Variants in CAP1 observed in about 807,000 individuals in gnomAD.
CAP1 encodes the protein cyclase associated actin cytoskeleton regulatory protein 1.
Under a neutral mutation model 58.2 loss-of-function variants are expected in CAP1, and 11 were observed. The observed-to-expected ratio is 0.19, with a 90% CI of 0.12 to 0.31. CAP1 has a LOEUF of 0.31. CAP1 is among the 10% of genes least tolerant of loss of function. The pLI, the probability that CAP1 is intolerant of heterozygous loss-of-function variation, is 1.00. For missense variants in CAP1, 423 were observed against 587.5 expected, an observed-to-expected ratio of 0.72 and a Z score of 2.89; for synonymous variants, 183 against 213.8, an observed-to-expected ratio of 0.86 and a Z score of 1.26.
intron 1 of CAP1, among the ~76,000 whole-genome samples, chr1:40,043,293 G>C (rs1395661860): frequency 6.6e-6 from 1 of 152,106 alleles, no homozygotes; most frequent in Non-Finnish European, 1.5e-5. Context: ...CACCTCCCAG[G>C]TTCAAGGAAT....
chr1:40,054,479 A>G (rs1268956677), intron 1 of CAP1, among the ~76,000 whole-genome samples: 2 of 151,820 alleles, frequency 1.3e-5, no homozygotes, highest in East Asian at 3.9e-4. Flanking sequence ...CAGTGTTTTT[A>G]ATGCCTCCTA....
At chr1:40,069,410 A>AT (rs2124431939) in intron 8 of CAP1, among the ~76,000 whole-genome samples, 1 of 152,012 alleles carries the variant, frequency 6.6e-6, no homozygotes, top group East Asian at 1.9e-4. Flanking sequence ...TTGTGCACAT[A>AT]CATTTGATAT....
rs577491753 is a variant in CAP1, at chr1:40,070,128, T to C, written c.994-31T>C. 5.1e-5 allele frequency: 82 copies of C among 1,613,194 alleles called. 1 individual carries two copies. In the Middle Eastern group the frequency reaches 7.5e-4, roughly 15 times the overall value. On this transcript the variant is annotated intron_variant, in intron 9 of 12. Transcript: ENST00000372805. ...TATTTTTTGTTCGGTGTGTGCTTTG[T>C]GATGAGAATCCTGGGATCTCTCTCT... is the stretch of plus-strand genomic sequence containing the variant.
chr1:40,072,236 G>T lies in CAP1; in HGVS notation c.*703G>T. The T allele has an allele frequency of 2.6e-5, 9 of 348,590 alleles. No individual in the cohort carries two copies. Among genetic ancestry groups the T allele is most frequent in the East Asian group, 4.1e-5 (1 of 24,486 alleles). 21.6% of individuals were successfully genotyped at this position (348,590 alleles called of 1,614,324 possible). ...GATCCCTGCCCAGCACCTTCCTATA[G>T]AGATGACTTTAAAAGGAAAAAAAAA... On this transcript the variant is annotated 3_prime_UTR_variant, in exon 13 of 13. Transcript: ENST00000372805.
chr1:40,070,620 G>A (rs1371307250), intron 11 of CAP1, 108 bp downstream of exon 11: 2 of 1,070,032 alleles, frequency 1.9e-6, no homozygotes, highest in Non-Finnish European at 2.9e-6. Context: ...TACAAAGTCT[G>A]TAAGCTGAGC....
At chr1:40,050,837 T>C (rs1196422019) in intron 1 of CAP1, among the ~76,000 whole-genome samples, 1 of 152,180 alleles carries the variant, frequency 6.6e-6, no homozygotes, top group Non-Finnish European at 1.5e-5. Context: ...ATTCTTTCAC[T>C]CAAAACCCTT....
At chr1:40,064,769 G>C (rs1023939932) in intron 6 of CAP1, among the ~76,000 whole-genome samples, 3 of 152,040 alleles carry the variant, frequency 2.0e-5, no homozygotes, top group Non-Finnish European at 4.4e-5. Context: ...TAGAGATGAG[G>C]TCTCACTGTT....
intron 1 of CAP1, among the ~76,000 whole-genome samples, chr1:40,055,709 A>G (rs3131678): frequency 0.69 from 105,571 of 151,942 alleles, 36,952 homozygotes; most frequent in Non-Finnish European, 0.74. Flanking sequence ...AGGTCTCCCT[A>G]TGTTGCCCCG....
Position 40,070,230 on chromosome 1 carries a change from G to A in CAP1, c.1065G>A (p.Lys355=). Reference sequence around the variant, plus strand: ...TGAAACAGGTGGCTTACATATACAAGTGTGTCAACACGACATTGCAAATCA... The same window carrying A: ...TGAAACAGGTGGCTTACATATACAAATGTGTCAACACGACATTGCAAATCA... The part of the protein sequence containing the change: ...TELKQVAYIY[K]CVNTTLQIKG... The change falls in exon 10 of 13, where the codon AAG becomes AAA. Residue 355 remains lysine (K), a synonymous_variant. Transcript: ENST00000372805. The A allele has an allele frequency of 6.2e-7, 1 of 1,614,184 alleles. No individual in the cohort carries two copies.
At chr1:40,063,902 A>G (rs1646963137) in intron 4 of CAP1, among the ~76,000 whole-genome samples, 1 of 152,198 alleles carries the variant, frequency 6.6e-6, no homozygotes, top group African/African-American at 2.4e-5. Context: ...GAACATCATG[A>G]GTAAGGCACA....
At chr1:40,068,852 G>A (rs1055997436) in intron 8 of CAP1, among the ~76,000 whole-genome samples, 1 of 151,442 alleles carries the variant, frequency 6.6e-6, no homozygotes. Context: ...TTTTTTTTGA[G>A]ATGGGAGTCT....
chr1:40,070,458 C>T lies in CAP1; in HGVS notation c.1146C>T (p.Phe382=), dbSNP rs752896493. 6 of 1,613,870 alleles carry T rather than the reference C, an allele frequency of 3.7e-6. No homozygotes were observed. The highest frequency in any genetic ancestry group is 1.3e-5 in the African/African-American group (1 of 74,882). Residue 382 remains phenylalanine, a synonymous_variant, in exon 11 of 13, where the codon TTC becomes TTT. Coordinates refer to ENST00000372805, the MANE Select transcript of CAP1 (RefSeq NM_006367.4). ...VDNCKKLGLV[F]DDVVGIVEII... is the part of the protein sequence containing the mutation. ...ACTGTAAGAAACTTGGCCTGGTATT[C>T]GATGACGTGGTGGGCATTGTGGAGA... is the stretch of plus-strand genomic sequence containing the variant.
intron 1 of CAP1, among the ~76,000 whole-genome samples, chr1:40,048,848 GAGA>G (rs1646226493): frequency 6.6e-6 from 1 of 152,140 alleles, no homozygotes; most frequent in African/African-American, 2.4e-5. Context: ...ACAAAATTAA[GAGA>G]AGCATTTTGA....
At chr1:40,054,962 A>T (rs1388314936) in intron 1 of CAP1, among the ~76,000 whole-genome samples, 1 of 152,180 alleles carries the variant, frequency 6.6e-6, no homozygotes, top group Admixed American at 6.5e-5. Context: ...GGCCAAATAA[A>T]TGATTTTAAA....
chr1:40,047,278 G>C (rs1438717093), intron 1 of CAP1, among the ~76,000 whole-genome samples: 4 of 152,138 alleles, frequency 2.6e-5, no homozygotes, highest in African/African-American at 7.2e-5. Flanking sequence ...ATTATTTCTT[G>C]ATGTACTATA....
intron 8 of CAP1, 60 bp downstream of exon 8, chr1:40,067,777 C>A: frequency 8.1e-7 from 1 of 1,233,538 alleles, no homozygotes; most frequent in Non-Finnish European, 1.2e-6. Context: ...CAGACCCCAC[C>A]AACCAGAACC....
In CAP1 at chr1:40,071,526, C is replaced by T. The variant is rs551342839; in HGVS notation, c.1421C>T (p.Ala474Val). 9 of 1,610,592 alleles carry T rather than the reference C, an allele frequency of 5.6e-6. No individual in the cohort carries two copies. The African/African-American group carries it at 1.2e-4, about 21-fold the overall frequency. The change falls in exon 13 of 13, where the codon GCT (alanine) becomes GTT (valine). Residue 474 changes from alanine to valine, a missense_variant. Coordinates refer to ENST00000372805, the MANE Select transcript of CAP1 (RefSeq NM_006367.4). Reference protein sequence around the residue: ...QKLVTTVTEIAG With the variant: ...QKLVTTVTEIVG The stretch of plus-strand genomic sequence containing the variant: ...TTGGTCACCACAGTGACAGAAATTG[C>T]TGGATAAGCGAAGTGCCACTGGGTT...
intron 1 of CAP1, among the ~76,000 whole-genome samples, chr1:40,049,597 G>A (rs1646265363): frequency 6.6e-6 from 1 of 152,086 alleles, no homozygotes; most frequent in Admixed American, 6.6e-5. Context: ...CCCTCCAAAA[G>A]CTTGTCTGTT....
At chr1:40,045,099 A>G (rs1375940239) in intron 1 of CAP1, among the ~76,000 whole-genome samples, 1 of 151,856 alleles carries the variant, frequency 6.6e-6, no homozygotes, top group Non-Finnish European at 1.5e-5. Flanking sequence ...ATTCTTTATT[A>G]TGGAGTTGTC....
Sources: allele counts gnomAD v4.1 joint callset (sites outside exome capture counted in the v4.1 genomes callset), GRCh38; gene constraint gnomAD v4.1.1; transcripts MANE v1.5; gene names NCBI Gene and HGNC (gene_info 2026-07-23, HGNC 2026-07-21).